Variants in CDH15 observed in about 807,000 individuals in gnomAD.
CDH15 encodes the protein cadherin-15.
Under a neutral mutation model 69.4 loss-of-function variants are expected in CDH15, and 73 were observed. The ratio of observed to expected loss-of-function variants is 1.05; its 90% CI spans 0.87 to 1.28. CDH15 has a LOEUF of 1.28. CDH15 is among the 50% of genes most tolerant of loss of function. CDH15 has a pLI of 0.00. For missense variants in CDH15, 1,343 were observed against 1,133.6 expected, an observed-to-expected ratio of 1.18 and a Z score of -2.65; for synonymous variants, 624 against 507.7, an observed-to-expected ratio of 1.23 and a Z score of -3.08.
chr16:89,188,808 A>G (rs1289599232), intron 7 of CDH15, among the ~76,000 whole-genome samples: 11 of 137,846 alleles, frequency 8.0e-5, no homozygotes, highest in Non-Finnish European at 1.7e-4. Flanking sequence ...GCCCACACAC[A>G]TGCTGGCACA....
Position 89,195,244 on chromosome 16 carries a change from C to T in CDH15, c.*89C>T. 7.3e-7 allele frequency: 1 copy of T among 1,363,072 alleles called. No individual in the cohort carries two copies. Among genetic ancestry groups the T allele is most frequent in the Non-Finnish European group, 9.7e-7 (1 of 1,029,640 alleles). 84.4% of individuals were successfully genotyped at this position (1,363,072 alleles called of 1,614,324 possible). On this transcript the variant is annotated 3_prime_UTR_variant, in exon 14 of 14. Coordinates refer to ENST00000289746, the MANE Select transcript of CDH15 (RefSeq NM_004933.3). ...AGCCTGAGGTCACCGGGCCCGACCC[C>T]CCTGGGCCTGGGGCAGCCTCCTTCC...
intron 1 of CDH15, among the ~76,000 whole-genome samples, chr16:89,175,408 T>C (rs1034701109): frequency 6.6e-6 from 1 of 152,218 alleles, no homozygotes; most frequent in Non-Finnish European, 1.5e-5. Flanking sequence ...CTTCAGAGCA[T>C]GCGGTTCAGA....
intron 1 of CDH15, among the ~76,000 whole-genome samples, chr16:89,175,661 GT>G (rs1915242009): frequency 6.6e-6 from 1 of 152,254 alleles, no homozygotes; most frequent in South Asian, 2.1e-4. Flanking sequence ...GGGCAGGCAG[GT>G]TTCCACTTGG....
intron 11 of CDH15, 68 bp downstream of exon 11, chr16:89,192,512 G>A (rs1283957331): frequency 1.3e-6 from 2 of 1,532,342 alleles, no homozygotes; most frequent in Admixed American, 1.9e-5. Flanking sequence ...GCCGTCCCCT[G>A]CTAACCAGCC....
chr16:89,193,648 C>A (rs1444672683), intron 12 of CDH15, 42 bp downstream of exon 12: 4 of 1,568,928 alleles, frequency 2.5e-6, no homozygotes, highest in East Asian at 4.7e-5. Context: ...CCCAAGGAAC[C>A]CAGGTCGCGG....
In CDH15 at chr16:89,193,893, A is replaced by G. The variant is rs1309929005; in HGVS notation, c.2131A>G (p.Ile711Val). Residue 711 changes from isoleucine to valine, a missense_variant, in exon 13 of 14, where the codon ATC becomes GTC. Coordinates refer to ENST00000289746, the MANE Select transcript of CDH15 (RefSeq NM_004933.3). Reference sequence around the variant, plus strand: ...AGTGCTGCCCACCAGCCCCCTGGACATCGCCGACTTCATCAATGATGTAGG... The same window carrying G: ...AGTGCTGCCCACCAGCCCCCTGGACGTCGCCGACTTCATCAATGATGTAGG... ...PRVLPTSPLD[I>V]ADFINDGLEA... 1.9e-6 allele frequency: 3 copies of G among 1,612,182 alleles called. No individual in the cohort carries two copies. The East Asian group carries it at 6.7e-5, about 36-fold the overall frequency.
chr16:89,176,178 T>C (rs1224898273), intron 1 of CDH15, among the ~76,000 whole-genome samples: 1 of 152,218 alleles, frequency 6.6e-6, no homozygotes, highest in Non-Finnish European at 1.5e-5. Flanking sequence ...CCACTCAGAC[T>C]TACCAGCCCC....
In CDH15 at chr16:89,179,398, C is replaced by T. The variant is rs778842629; in HGVS notation, c.43-18C>T. The T allele has an allele frequency of 1.1e-5, 18 of 1,613,410 alleles. No homozygotes were observed. The highest frequency in any genetic ancestry group is 1.5e-5 in the Non-Finnish European group (18 of 1,179,832). ...CTCCAGGAGACGGTACTGTGGGACG[C>T]ATCTGTCTTTGTTGCAGAGCCTCTG... On this transcript the variant is annotated intron_variant, in intron 1 of 13. Transcript: ENST00000289746.
Position 89,188,240 on chromosome 16 carries a change from C to T in CDH15, c.933C>T (p.Ile311=), listed in dbSNP as rs139568216. The T allele has an allele frequency of 6.2e-7, 1 of 1,613,592 alleles. No individual in the cohort carries two copies. Among genetic ancestry groups the T allele is most frequent in the Non-Finnish European group, 8.5e-7 (1 of 1,179,944 alleles). Residue 311 remains isoleucine (I), a synonymous_variant, in exon 7 of 14, where the codon ATC becomes ATT. Transcript: ENST00000289746. ...GCGACCCCGATGGGCAGTTCACCAT[C>T]CGCACGGACCCCAAGACCAACGAGG... ...LEGDPDGQFT[I]RTDPKTNEGV...
chr16:89,180,723 G>A (rs575398906), intron 3 of CDH15, among the ~76,000 whole-genome samples: 26 of 152,232 alleles, frequency 1.7e-4, no homozygotes, highest in African/African-American at 6.3e-4. Context: ...AAATAGTGTT[G>A]TTTTTGTTTT....
At chr16:89,176,684 G>T (rs1242265586) in intron 1 of CDH15, among the ~76,000 whole-genome samples, 1 of 149,996 alleles carries the variant, frequency 6.7e-6, no homozygotes, top group African/African-American at 2.5e-5. Context: ...CCAGATGAAG[G>T]AGCTCAGGAG....
chr16:89,192,423 G>A lies in CDH15; in HGVS notation c.1834G>A (p.Ala612Thr), dbSNP rs766136455. 6.4e-7 allele frequency: 1 copy of A among 1,551,708 alleles called. No individual in the cohort carries two copies. The highest frequency in any genetic ancestry group is 1.9e-5 in the Admixed American group (1 of 53,558). The change falls in exon 11 of 14, where the codon GCC becomes ACC. Residue 612 changes from alanine (A) to threonine (T), a missense_variant. Transcript: ENST00000289746. ...LSLGALVIVL[A>T]SALLLLVLVL... The stretch of plus-strand genomic sequence containing the variant: ...CCTGGGCGCACTGGTCATCGTGCTG[G>A]CCAGCGCCCTCCTGCTGCTGGGTGA...
At chr16:89,193,692 C>A in intron 12 of CDH15, 63 bp from the exon 13 acceptor site, 1 of 1,575,410 alleles carries the variant, frequency 6.3e-7, no homozygotes, top group Non-Finnish European at 8.6e-7. Context: ...GGAGCCTGTA[C>A]CTGAGACCTC....
intron 9 of CDH15, 31 bp from the exon 10 acceptor site, chr16:89,191,624 G>T: frequency 6.4e-7 from 1 of 1,569,290 alleles, no homozygotes. Context: ...GGGGTGTTGG[G>T]GTCACTAAGC....
At position 89,191,678 on chromosome 16, in the gene CDH15, G is replaced by A. The variant is rs370406771; in HGVS notation, c.1399G>A (p.Gly467Ser). 41 of 1,597,090 alleles carry A rather than the reference G, an allele frequency of 2.6e-5. No homozygotes were observed. Among genetic ancestry groups the A allele is most frequent in the Non-Finnish European group, 3.2e-5 (38 of 1,176,490 alleles). ...DDASQPRTATGTLSIEILEVN... is the reference protein window; with the variant it reads ...DDASQPRTATSTLSIEILEVN... ...AGCCTCCCAGCCCCGCACCGCCACC[G>A]GCACCCTGTCCATCGAGATCCTGGA... Residue 467 changes from glycine to serine, a missense_variant, in exon 10 of 14, where the codon GGC (glycine) becomes AGC (serine). Coordinates refer to ENST00000289746, the MANE Select transcript of CDH15 (RefSeq NM_004933.3).
At chr16:89,185,402 C>T (rs1412262106) in intron 5 of CDH15, 69 bp downstream of exon 5, 2 of 1,499,580 alleles carry the variant, frequency 1.3e-6, no homozygotes, top group East Asian at 2.4e-5. Flanking sequence ...GGTCCCTCTG[C>T]CCCCAGCCTG....
At position 89,191,805 on chromosome 16, in the gene CDH15, A is replaced by T; in HGVS notation, c.1526A>T (p.Asp509Val). The T allele has an allele frequency of 6.2e-7, 1 of 1,605,284 alleles. No individual in the cohort carries two copies. Among genetic ancestry groups the T allele is most frequent in the African/African-American group, 1.3e-5 (1 of 74,888 alleles). Reference protein sequence around the residue: ...PGLLLGATDEDLPPHGAPFHF... With the variant: ...PGLLLGATDEVLPPHGAPFHF... ...CTCCTCCTGGGCGCCACGGATGAGG[A>T]CCTGCCCCCCCACGGGGCCCCCTTC... Residue 509 changes from aspartate to valine, a missense_variant, in exon 10 of 14, where the codon GAC becomes GTC. Transcript: ENST00000289746.
At chr16:89,192,919 C>G (rs1196185121) in intron 11 of CDH15, among the ~76,000 whole-genome samples, 61 of 134,006 alleles carry the variant, frequency 4.6e-4, no homozygotes, top group South Asian at 1.0e-3. Context: ...TCAGTACCAG[C>G]CACGCCCCTT....
chr16:89,193,907 C>G lies in CDH15; in HGVS notation c.2145C>G (p.Ile715Met), dbSNP rs1432678914. ...GCCCCCTGGACATCGCCGACTTCAT[C>G]AATGATGTAGGTGCTCCTGGGGACA... Reference protein sequence around the residue: ...PTSPLDIADFINDGLEAADSD... With the variant: ...PTSPLDIADFMNDGLEAADSD... Residue 715 changes from isoleucine to methionine, a missense_variant, in exon 13 of 14, where the codon ATC becomes ATG. Coordinates refer to ENST00000289746, the MANE Select transcript of CDH15 (RefSeq NM_004933.3). 6.2e-7 allele frequency: 1 copy of G among 1,612,022 alleles called. No homozygotes were observed. The highest frequency in any genetic ancestry group is 8.5e-7 in the Non-Finnish European group (1 of 1,179,770).
Sources: allele counts gnomAD v4.1 joint callset (sites outside exome capture counted in the v4.1 genomes callset), GRCh38; gene constraint gnomAD v4.1.1; transcripts MANE v1.5; gene names NCBI Gene and HGNC (gene_info 2026-07-23, HGNC 2026-07-21).